The following STYX variants were observed in gnomAD, a reference collection of about 807,000 sequenced individuals.
STYX encodes serine/threonine/tyrosine-interacting protein.
A neutral mutation model predicts 42.7 loss-of-function variants in STYX; 20 were observed. The observed-to-expected ratio is 0.47, with a 90% CI of 0.33 to 0.68. STYX has a LOEUF of 0.68. Among genes scored for constraint, STYX ranks in the 30% least tolerant of loss-of-function variants. The pLI, the probability that STYX is intolerant of heterozygous loss-of-function variation, is 0.02. For missense variants in STYX, 226 were observed against 268.5 expected, an observed-to-expected ratio of 0.84 and a Z score of 1.11; for synonymous variants, 78 against 81.9, an observed-to-expected ratio of 0.95 and a Z score of 0.26.
intron 4 of STYX, among the ~76,000 whole-genome samples, chr14:52,751,435 G>C (rs550445470): frequency 2.6e-5 from 4 of 152,262 alleles, no homozygotes; most frequent in African/African-American, 9.6e-5. Flanking sequence ...TATTGATAGG[G>C]CTTATTTGCA....
intron 10 of STYX, among the ~76,000 whole-genome samples, chr14:52,770,057 C>G (rs1407816550): frequency 1.3e-5 from 2 of 152,042 alleles, no homozygotes; most frequent in Non-Finnish European, 2.9e-5. Flanking sequence ...TCTCCCTATT[C>G]TTGGTTCATA....
chr14:52,769,875 C>T (rs1882447817), intron 10 of STYX, among the ~76,000 whole-genome samples: 1 of 152,022 alleles, frequency 6.6e-6, no homozygotes, highest in Admixed American at 6.6e-5. Flanking sequence ...TTTCCTTTGC[C>T]AAAGCCTCCT....
chr14:52,752,515 A>G (rs1295222038), intron 4 of STYX, among the ~76,000 whole-genome samples: 1 of 152,136 alleles, frequency 6.6e-6, no homozygotes, highest in East Asian at 1.9e-4. Flanking sequence ...AATGAAACCA[A>G]TCTATAAATA....
At position 52,746,258 on chromosome 14, in the gene STYX, G is replaced by A. The variant is rs376691927; in HGVS notation, c.91-168G>A. ...AGCCTGGGCAACATAGTGAGACTTC[G>A]TCTCTATTTTTTAAAGAAAAAAAAA... On this transcript the variant is annotated intron_variant, in intron 2 of 10. Coordinates refer to ENST00000354586, the MANE Select transcript of STYX (RefSeq NM_145251.4). Among the ~76,000 whole-genome samples the A allele has an allele frequency of 1.1e-4, 16 of 151,178 alleles. No individual in the cohort carries two copies. In the South Asian group the frequency reaches 3.3e-3, roughly 31 times the overall value.
chr14:52,730,911 G>GC (rs1272847551), intron 1 of STYX, among the ~76,000 whole-genome samples: 3 of 152,268 alleles, frequency 2.0e-5, no homozygotes, highest in Admixed American at 1.3e-4. Context: ...GGGACACATG[G>GC]CCCCACATGT....
rs186315068 is a variant in STYX, at chr14:52,741,458, G to C, written c.58-3394G>C. Among the ~76,000 whole-genome samples the C allele has an allele frequency of 2.3e-3, 351 of 152,168 alleles. 1 individual carries two copies. Among genetic ancestry groups the C allele is most frequent in the Non-Finnish European group, 4.0e-3 (271 of 67,992 alleles). ...GAGTTTCGTGTGTGTGTGTATGAGA[G>C]ATGGAGTCTCACTCTGTCACCCAGG... On this transcript the variant is annotated intron_variant, in intron 1 of 10. Coordinates refer to ENST00000354586, the MANE Select transcript of STYX (RefSeq NM_145251.4).
intron 1 of STYX, among the ~76,000 whole-genome samples, chr14:52,740,137 T>G (rs1881127659): frequency 6.6e-6 from 1 of 151,958 alleles, no homozygotes; most frequent in East Asian, 1.9e-4. Flanking sequence ...ATTAGCCAGG[T>G]TTGGTGGTGG....
chr14:52,736,497 G>T lies in STYX; in HGVS notation c.57+5966G>T, dbSNP rs556891775. ...TTGGTTTTATAATTTAAAAGTTAATGTTTTATCTTCTCTTCTGACAGAAAG... is the reference window on the plus strand; with the variant it reads ...TTGGTTTTATAATTTAAAAGTTAATTTTTTATCTTCTCTTCTGACAGAAAG... On this transcript the variant is annotated intron_variant, in intron 1 of 10. Transcript: ENST00000354586. Among the ~76,000 whole-genome samples the T allele has an allele frequency of 1.4e-4, 22 of 152,270 alleles. No homozygotes were observed. The South Asian group carries it at 4.6e-3, about 32-fold the overall frequency.
chr14:52,738,723 AC>A (rs1382798202), intron 1 of STYX, among the ~76,000 whole-genome samples: 5 of 152,202 alleles, frequency 3.3e-5, no homozygotes, highest in African/African-American at 1.2e-4. Flanking sequence ...AACTCCTGTT[AC>A]CTACCTAAGG....
chr14:52,744,978 C>T (rs762998941), intron 2 of STYX, 94 bp downstream of exon 2: 10 of 1,017,068 alleles, frequency 9.8e-6, no homozygotes, highest in South Asian at 1.5e-5. Context: ...ATTTCATGAT[C>T]TGTAGGTTCA....
intron 1 of STYX, among the ~76,000 whole-genome samples, chr14:52,734,017 C>G (rs1880841551): frequency 6.6e-6 from 1 of 152,132 alleles, no homozygotes; most frequent in South Asian, 2.1e-4. Context: ...TGCAATTGGT[C>G]TGATTGGTTG....
chr14:52,770,903 A>G (rs1882484731), intron 10 of STYX, 130 bp from the exon 11 acceptor site: 1 of 550,990 alleles, frequency 1.8e-6, no homozygotes, highest in Non-Finnish European at 3.1e-6. Context: ...AATTTACTAA[A>G]TTTTGCTATA....
rs1219804083 is a variant in STYX, at chr14:52,752,879, G to GT, written c.242+2101dup. 1.2e-3 allele frequency among the ~76,000 whole-genome samples: 135 copies of GT among 116,662 alleles called. 3 individuals carry two copies. The highest frequency in any genetic ancestry group is 3.0e-3 in the African/African-American group (95 of 31,288). The allele number at this position is 116,662 out of a possible 152,430, so 76.5% of individuals were successfully genotyped here. A position where few individuals can be genotyped will look rare whatever the true frequency, so the allele number is the denominator to read the frequency against. ...TTTAATTTTGTTTTTTTTTGTTGTT[G>GT]TTGTTTTTTTTTTTTTTTTGAGATG... On this transcript the variant is annotated intron_variant, in intron 4 of 10. Transcript: ENST00000354586.
chr14:52,752,283 A>T (rs1308441131), intron 4 of STYX, among the ~76,000 whole-genome samples: 1 of 151,250 alleles, frequency 6.6e-6, no homozygotes. Flanking sequence ...TGGCCAACAC[A>T]GTGAGACCCC....
At position 52,771,830 on chromosome 14, in the gene STYX, T is replaced by C. The variant is rs1467711990; in HGVS notation, c.*724T>C. On this transcript the variant is annotated 3_prime_UTR_variant, in exon 11 of 11. Transcript: ENST00000354586. ...CAGTTTCCATGATAAAAGGAAAACGTTTTGATTTATAGTACCAAGTGCTTA... is the reference window on the plus strand; with the variant it reads ...CAGTTTCCATGATAAAAGGAAAACGCTTTGATTTATAGTACCAAGTGCTTA... 6.6e-6 allele frequency: 1 copy of C among 152,500 alleles called. No homozygotes were observed. Among genetic ancestry groups the C allele is most frequent in the Non-Finnish European group, 1.5e-5 (1 of 67,944 alleles). 9.4% of individuals were successfully genotyped at this position (152,500 alleles called of 1,614,324 possible). A position where few individuals can be genotyped will look rare whatever the true frequency, so the allele number is the denominator to read the frequency against.
At chr14:52,749,842 C>G (rs191250626) in intron 3 of STYX, among the ~76,000 whole-genome samples, 1 of 152,186 alleles carries the variant, frequency 6.6e-6, no homozygotes. Context: ...GTCAGCATGA[C>G]AGCACAAGTG....
chr14:52,747,690 A>G (rs1238435469), intron 3 of STYX, among the ~76,000 whole-genome samples: 1 of 152,230 alleles, frequency 6.6e-6, no homozygotes, highest in Non-Finnish European at 1.5e-5. Flanking sequence ...CTTTATAAAT[A>G]TACATACAGT....
In STYX at chr14:52,772,531, G is replaced by T. The variant is rs1223732863; in HGVS notation, c.*1425G>T. Reference sequence around the variant, plus strand: ...TTTTATAGTTGATGACTTTAGGGTAGCACAAACAAAACTCCTTTGTATCTA... The same window carrying T: ...TTTTATAGTTGATGACTTTAGGGTATCACAAACAAAACTCCTTTGTATCTA... On this transcript the variant is annotated 3_prime_UTR_variant, in exon 11 of 11. Coordinates refer to ENST00000354586, the MANE Select transcript of STYX (RefSeq NM_145251.4). The T allele has an allele frequency of 5.2e-5, 8 of 152,556 alleles. No individual in the cohort carries two copies. The highest frequency in any genetic ancestry group is 8.8e-5 in the Non-Finnish European group (6 of 68,006). 9.5% of individuals were successfully genotyped at this position (152,556 alleles called of 1,614,324 possible).
At chr14:52,765,423 G>A (rs1378153344) in intron 9 of STYX, among the ~76,000 whole-genome samples, 6 of 152,160 alleles carry the variant, frequency 3.9e-5, no homozygotes, top group Admixed American at 3.9e-4. Flanking sequence ...CACCATGTTA[G>A]CTAGGCTGGT....
Sources: gnomAD v4.1 joint callset for allele counts (sites outside exome capture counted in the v4.1 genomes callset) on GRCh38, gnomAD v4.1.1 for gene constraint, MANE v1.5 for transcripts, NCBI Gene and HGNC (gene_info 2026-07-23, HGNC 2026-07-21) for gene names.